SERPINB2: variants seen among roughly 807,000 people sequenced by gnomAD.
SERPINB2 encodes the protein plasminogen activator inhibitor 2.
SERPINB2 carries 28 observed loss-of-function variants against 39.4 expected under a neutral mutation model. That is an observed-to-expected ratio of 0.71 (90% CI 0.53 to 0.97). SERPINB2 has a LOEUF of 0.97. Ranked by LOEUF, SERPINB2 falls within the 50% of genes least tolerant of loss-of-function variation. The probability of loss-of-function intolerance (pLI) is 0.00; values close to 1 mark genes in which losing one functional copy is unlikely to be tolerated. For missense variants in SERPINB2, 557 were observed against 505.3 expected (o/e 1.10, Z -0.98); for synonymous variants, 209 against 175.1 (o/e 1.19, Z -1.53).
intron 2 of SERPINB2, among the ~76,000 whole-genome samples, chr18:63,893,888 C>T (rs77959925): frequency 8.8e-4 from 134 of 152,244 alleles, no homozygotes; most frequent in Non-Finnish European, 1.5e-3. Context: ...ATGAGGGAAT[C>T]AGGGCAAGAA....
At chr18:63,902,018 T>G in intron 6 of SERPINB2, 136 bp downstream of exon 6, 2 of 836,226 alleles carry the variant, frequency 2.4e-6, no homozygotes, top group Non-Finnish European at 1.8e-6. Flanking sequence ...ATTGACTCTT[T>G]AGAAACAGTA....
chr18:63,898,784 G>A (rs1442696103), intron 5 of SERPINB2, among the ~76,000 whole-genome samples: 2 of 152,094 alleles, frequency 1.3e-5, no homozygotes, highest in Non-Finnish European at 2.9e-5. Context: ...CCAGGTGGAG[G>A]GTGCATGCCT....
intron 3 of SERPINB2, 66 bp downstream of exon 3, chr18:63,895,449 A>C: frequency 6.3e-7 from 1 of 1,597,150 alleles, no homozygotes; most frequent in Non-Finnish European, 8.6e-7. Context: ...TCTTAAAGCC[A>C]CAGTGTCAGA....
chr18:63,893,313 A>G (rs186102641), intron 2 of SERPINB2, among the ~76,000 whole-genome samples: 77 of 152,308 alleles, frequency 5.1e-4, no homozygotes, highest in Non-Finnish European at 1.0e-3. Flanking sequence ...TGGGTTGTTA[A>G]AGTAAAAATC....
intron 5 of SERPINB2, among the ~76,000 whole-genome samples, chr18:63,900,202 T>A (rs1469979913): frequency 2.0e-5 from 3 of 152,214 alleles, no homozygotes; most frequent in Non-Finnish European, 2.9e-5. Context: ...TGGAGAGAAT[T>A]GTCTGTTTCA....
At position 63,902,981 on chromosome 18, in the gene SERPINB2, C is replaced by T. The variant is rs775277174; in HGVS notation, c.924C>T (p.Tyr308=). The change falls in exon 8 of 8, where the codon TAC becomes TAT. Residue 308 remains tyrosine (Y), a synonymous_variant. Transcript: ENST00000299502. ...TGGCTGAAGATGAAGTTGAGGTATA[C>T]ATACCCCAGTTCAAATTAGAAGAGC... ...DKMAEDEVEV[Y]IPQFKLEEHY... The T allele has an allele frequency of 9.3e-6, 15 of 1,613,562 alleles. No homozygotes were observed. Among genetic ancestry groups the T allele is most frequent in the Non-Finnish European group, 1.2e-5 (14 of 1,179,688 alleles).
In SERPINB2 at chr18:63,903,018, A is replaced by T; in HGVS notation, c.961A>T (p.Arg321Ter). 1 of 1,613,910 alleles carries T rather than the reference A, an allele frequency of 6.2e-7. No individual in the cohort carries two copies. The highest frequency in any genetic ancestry group is 8.5e-7 in the Non-Finnish European group (1 of 1,179,834). ...CAAATTAGAAGAGCATTATGAACTC[A>T]GATCCATTCTGAGAAGCATGGGCAT... ...QFKLEEHYEL[R>*]SILRSMGMED... The change falls in exon 8 of 8, where the codon AGA (arginine) becomes TGA (stop). Residue 321 changes from arginine (R) to a stop codon, truncating the protein, a stop_gained. Coordinates refer to ENST00000299502, the MANE Select transcript of SERPINB2 (RefSeq NM_002575.3). LOFTEE classifies it high-confidence loss of function.
intron 7 of SERPINB2, 63 bp from the exon 8 acceptor site, chr18:63,902,838 T>C: frequency 7.0e-7 from 1 of 1,437,440 alleles, no homozygotes. Context: ...TTAAAGTTGT[T>C]TTCCTTCTTT....
intron 3 of SERPINB2, among the ~76,000 whole-genome samples, chr18:63,895,881 A>C (rs1261115134): frequency 9.2e-5 from 14 of 151,970 alleles, no homozygotes; most frequent in Admixed American, 9.2e-4. Flanking sequence ...TACATCTATC[A>C]ATCCTATCTA....
rs772307718 is a variant in SERPINB2, at chr18:63,897,094, C to A, written c.292C>A (p.Gln98Lys). The stretch of plus-strand genomic sequence containing the variant: ...GAATTCCTTCTTTCTTTTCAAGGCA[C>A]AAGCTGCAGATAAAATCCATTCATC... ...GSYPDAILQA[Q>K]AADKIHSSFR... The change falls in exon 4 of 8, where the codon CAA becomes AAA. Residue 98 changes from glutamine (Q) to lysine (K), a missense_variant. By Grantham distance (53) the Gln-to-Lys change is moderately conservative (BLOSUM62 1). Transcript: ENST00000299502. The A allele has an allele frequency of 6.2e-7, 1 of 1,611,950 alleles. No individual in the cohort carries two copies. Among genetic ancestry groups the A allele is most frequent in the Non-Finnish European group, 8.5e-7 (1 of 1,178,860 alleles).
At chr18:63,893,198 G>A (rs112105956) in intron 2 of SERPINB2, among the ~76,000 whole-genome samples, 161 of 152,312 alleles carry the variant, frequency 1.1e-3, no homozygotes, top group African/African-American at 3.5e-3. Flanking sequence ...AAAGTGCTGG[G>A]ATTATAGGCG....
intron 5 of SERPINB2, among the ~76,000 whole-genome samples, chr18:63,900,706 G>T (rs1000851577): frequency 6.6e-6 from 1 of 152,096 alleles, no homozygotes; most frequent in Non-Finnish European, 1.5e-5. Flanking sequence ...AAACTGACAT[G>T]GTACACTGCT....
chr18:63,891,374 C>T lies in SERPINB2; in HGVS notation c.-9-62C>T, dbSNP rs569799155. The T allele has an allele frequency of 1.7e-5, 27 of 1,561,532 alleles. No individual in the cohort carries two copies. The East Asian group carries it at 2.9e-4, about 17-fold the overall frequency. ...ATGCAGCCTGTCCTACTGTTGCTGA[C>T]CTCACCCAAAATGTTACCTTATGTT... On this transcript the variant is annotated intron_variant, in intron 1 of 7. Transcript: ENST00000299502.
intron 5 of SERPINB2, among the ~76,000 whole-genome samples, chr18:63,898,594 G>A (rs2049974666): frequency 6.6e-6 from 1 of 152,112 alleles, no homozygotes; most frequent in Non-Finnish European, 1.5e-5. Context: ...AGATAAAAAT[G>A]GTAAATCCTG....
rs2049932819 is a variant in SERPINB2 at position 63,892,451 on chromosome 18, C to A, written c.168+839C>A. The stretch of plus-strand genomic sequence containing the variant: ...TCAGCACATACAAAATTCTTGTGAT[C>A]ATGTTACTTCCAAGGTTAGTGACCT... On this transcript the variant is annotated intron_variant, in intron 2 of 7. Transcript: ENST00000299502. Among the ~76,000 whole-genome samples, 2 of 152,212 alleles carry A rather than the reference C, an allele frequency of 1.3e-5. 1 individual carries two copies. The highest frequency in any genetic ancestry group is 4.1e-4 in the South Asian group (2 of 4,832).
rs750604420 is a variant in SERPINB2, at chr18:63,897,832, A to G, written c.523A>G (p.Thr175Ala). 7 of 1,591,936 alleles carry G rather than the reference A, an allele frequency of 4.4e-6. No individual in the cohort carries two copies. In the Admixed American group the frequency reaches 1.2e-4, roughly 27 times the overall value. Residue 175 changes from threonine to alanine, a missense_variant, in exon 5 of 8, where the codon ACT becomes GCT. Coordinates refer to ENST00000299502, the MANE Select transcript of SERPINB2 (RefSeq NM_002575.3). ...ARKKINSWVK[T>A]QTKGKIPNLL... ...AAAAAAGATTAATTCCTGGGTCAAG[A>G]CTCAAACCAAAGGTAAATCCAAGAA... is the stretch of plus-strand genomic sequence containing the variant.
At chr18:63,895,159 G>A in intron 2 of SERPINB2, 105 bp from the exon 3 acceptor site, 2 of 1,341,836 alleles carry the variant, frequency 1.5e-6, no homozygotes, top group East Asian at 2.3e-5. Flanking sequence ...TATAAGGGAA[G>A]GGAAAAGATC....
At chr18:63,897,880 A>T in intron 5 of SERPINB2, 36 bp downstream of exon 5, 1 of 1,388,318 alleles carries the variant, frequency 7.2e-7, no homozygotes, top group Non-Finnish European at 1.0e-6. Context: ...ACTTCTTTCC[A>T]GTTAGAAAAC....
intron 1 of SERPINB2, among the ~76,000 whole-genome samples, chr18:63,890,266 C>T (rs1261363358): frequency 6.6e-6 from 1 of 152,120 alleles, no homozygotes; most frequent in African/African-American, 2.4e-5. Flanking sequence ...GACCAATGGT[C>T]CTTGTTGGAG....
Sources: gnomAD v4.1 joint callset for allele counts (sites outside exome capture counted in the v4.1 genomes callset) on GRCh38, gnomAD v4.1.1 for gene constraint, MANE v1.5 for transcripts, NCBI Gene and HGNC (gene_info 2026-07-23, HGNC 2026-07-21) for gene names.